The following COX16 variants were observed in gnomAD, a reference collection of about 807,000 sequenced individuals.
COX16 encodes the protein cytochrome c oxidase assembly factor COX16, also known as cytochrome c oxidase assembly protein COX16 homolog, mitochondrial.
Under a neutral mutation model 15.4 loss-of-function variants are expected in COX16, and 12 were observed. That is an observed-to-expected ratio of 0.78 (90% confidence interval 0.50 to 1.26). The LOEUF is 1.26. Among genes scored for constraint, COX16 ranks in the 50% most tolerant of loss-of-function variants. The probability of loss-of-function intolerance (pLI) is 0.00; values close to 1 mark genes in which losing one functional copy is unlikely to be tolerated. For synonymous variants in COX16, 46 were observed against 41.1 expected (o/e 1.12, Z -0.46); for missense variants, 124 against 127.6 (o/e 0.97, Z 0.14).
chr14:70,329,005 G>A (rs1221327807), intron 3 of COX16, among the ~76,000 whole-genome samples, 169 bp downstream of exon 3: 2 of 151,700 alleles, frequency 1.3e-5, no homozygotes, highest in African/African-American at 2.4e-5. Flanking sequence ...TTATTTATTT[G>A]TAGTATATTA....
intron 1 of COX16, 111 bp from the exon 2 acceptor site, chr14:70,342,840 C>T (rs1205494303): frequency 2.6e-6 from 3 of 1,136,734 alleles, no homozygotes; most frequent in Admixed American, 2.6e-5. Flanking sequence ...TACAAAAATT[C>T]TATAGATTAT....
chr14:70,345,440 G>T (rs781693918), intron 1 of COX16, among the ~76,000 whole-genome samples: 12 of 152,060 alleles, frequency 7.9e-5, no homozygotes, highest in Non-Finnish European at 1.5e-4. Flanking sequence ...GTTCTCCTGA[G>T]CCTACCCTCT....
chr14:70,340,210 A>G (rs894878245), intron 2 of COX16, among the ~76,000 whole-genome samples: 28 of 152,266 alleles, frequency 1.8e-4, no homozygotes, highest in African/African-American at 5.8e-4. Context: ...ACGGTTTTAT[A>G]AGGGATTTCC....
At chr14:70,330,224 A>C (rs576510707) in intron 2 of COX16, among the ~76,000 whole-genome samples, 1 of 152,276 alleles carries the variant, frequency 6.6e-6, no homozygotes, top group African/African-American at 2.4e-5. Flanking sequence ...TTCTATAGGC[A>C]ATAAAGAGTA....
At chr14:70,355,963 T>C (rs1887111909) in intron 1 of COX16, among the ~76,000 whole-genome samples, 1 of 152,092 alleles carries the variant, frequency 6.6e-6, no homozygotes. Context: ...TGGCATGTGA[T>C]CTCTGCACAT....
At chr14:70,342,522 G>GA (rs1886653734) in intron 2 of COX16, 136 bp downstream of exon 2, 11 of 758,100 alleles carry the variant, frequency 1.5e-5, no homozygotes, top group East Asian at 3.0e-5. Flanking sequence ...TTATTTTAAA[G>GA]AAAAAAACAA....
rs1369866455 is a variant in COX16, at chr14:70,328,850, T to TGTATGAA, written c.204+323_204+324insTTCATAC. Among the ~76,000 whole-genome samples, 180 of 152,284 alleles carry TGTATGAA rather than the reference T, an allele frequency of 1.2e-3. 1 individual carries two copies. The highest frequency in any genetic ancestry group is 4.3e-3 in the African/African-American group (177 of 41,570). ...GAATTTGTATGTATGAACCCATTGA[T>TGTATGAA]CTTTACTTTTAGAGCTTCTGGGTTT... On this transcript the variant is annotated intron_variant, in intron 3 of 3. Coordinates refer to ENST00000389912, the MANE Select transcript of COX16 (RefSeq NM_016468.7).
chr14:70,358,995 T>C (rs1887214665), intron 1 of COX16, among the ~76,000 whole-genome samples: 1 of 152,208 alleles, frequency 6.6e-6, no homozygotes, highest in Non-Finnish European at 1.5e-5. Context: ...CAAGGTGTTA[T>C]TAGTTCATCA....
At chr14:70,353,365 CTTTCT>C (rs1303530730) in intron 1 of COX16, among the ~76,000 whole-genome samples, 30 of 148,850 alleles carry the variant, frequency 2.0e-4, no homozygotes, top group Admixed American at 1.9e-3. Context: ...TGATCCCTAC[CTTTCT>C]TTTAATTTAA....
intron 1 of COX16, among the ~76,000 whole-genome samples, chr14:70,357,876 T>C (rs1887179109): frequency 6.6e-6 from 1 of 152,188 alleles, no homozygotes; most frequent in Non-Finnish European, 1.5e-5. Context: ...GACCTAGCAA[T>C]TCCACGTCTA....
chr14:70,357,431 C>A (rs1250089138), intron 1 of COX16, among the ~76,000 whole-genome samples: 1 of 152,124 alleles, frequency 6.6e-6, no homozygotes, highest in Non-Finnish European at 1.5e-5. Context: ...GAAGGCTATA[C>A]ATGGAGCTGT....
chr14:70,339,290 A>G (rs1442964509), intron 2 of COX16, among the ~76,000 whole-genome samples: 1 of 152,196 alleles, frequency 6.6e-6, no homozygotes, highest in East Asian at 1.9e-4. Context: ...GACAGCAGAT[A>G]AACTATTCCA....
intron 1 of COX16, among the ~76,000 whole-genome samples, chr14:70,347,402 C>T (rs781239336): frequency 6.6e-6 from 1 of 152,094 alleles, no homozygotes; most frequent in Non-Finnish European, 1.5e-5. Flanking sequence ...TGCTTTTTTC[C>T]ACAATTCCTT....
chr14:70,329,689 AT>A (rs549147077), intron 2 of COX16, among the ~76,000 whole-genome samples: 1 of 149,176 alleles, frequency 6.7e-6, no homozygotes, highest in Admixed American at 6.8e-5. Flanking sequence ...ACAAAAAGGA[AT>A]ACCTTCCATG....
intron 2 of COX16, among the ~76,000 whole-genome samples, chr14:70,330,824 AAG>A (rs1176245146): frequency 1.3e-5 from 2 of 152,198 alleles, no homozygotes; most frequent in African/African-American, 2.4e-5. Flanking sequence ...CTTATCTATT[AAG>A]AGAATATATT....
chr14:70,346,439 C>G (rs1425633653), intron 1 of COX16, among the ~76,000 whole-genome samples: 1 of 152,206 alleles, frequency 6.6e-6, no homozygotes, highest in East Asian at 1.9e-4. Context: ...CAGACAATGC[C>G]CAAATCCAGG....
At chr14:70,344,974 T>G (rs565964250) in intron 1 of COX16, among the ~76,000 whole-genome samples, 36 of 152,208 alleles carry the variant, frequency 2.4e-4, no homozygotes, top group Non-Finnish European at 4.3e-4. Flanking sequence ...AGCATGTTGC[T>G]CCTCACCACC....
At chr14:70,355,699 C>T (rs568082158) in intron 1 of COX16, among the ~76,000 whole-genome samples, 3 of 152,262 alleles carry the variant, frequency 2.0e-5, no homozygotes, top group African/African-American at 7.2e-5. Flanking sequence ...AGATATAATA[C>T]AAATTCCATT....
chr14:70,335,393 T>C (rs1294508900), intron 2 of COX16, among the ~76,000 whole-genome samples: 1 of 152,184 alleles, frequency 6.6e-6, no homozygotes, highest in African/African-American at 2.4e-5. Flanking sequence ...TGCTGCAGAA[T>C]ACACTTTTTC....
Sources: allele counts gnomAD v4.1 joint callset (sites outside exome capture counted in the v4.1 genomes callset), GRCh38; gene constraint gnomAD v4.1.1; transcripts MANE v1.5; gene names NCBI Gene and HGNC (gene_info 2026-07-23, HGNC 2026-07-21).